Variants in SPATA6L observed in about 807,000 individuals in gnomAD.
SPATA6L encodes spermatogenesis associated 6 like, also known as spermatogenesis associated 6-like protein.
A neutral mutation model predicts 49.2 loss-of-function variants in SPATA6L; 68 were observed. That is an observed-to-expected ratio of 1.38 (90% confidence interval 1.14 to 1.69). The LOEUF is 1.69. SPATA6L is among the 40% of genes most tolerant of loss of function. The pLI is 0.00. For synonymous variants in SPATA6L, 198 were observed against 165.7 expected, an observed-to-expected ratio of 1.19 and a Z score of -1.50; for missense variants, 668 against 464.3, an observed-to-expected ratio of 1.44 and a Z score of -4.03.
intron 9 of SPATA6L, among the ~76,000 whole-genome samples, chr9:4,612,049 A>G (rs1826887138): frequency 6.6e-6 from 1 of 151,690 alleles, no homozygotes; most frequent in Admixed American, 6.6e-5. Context: ...CTTGCTACCC[A>G]GGCTGGTCTC....
chr9:4,592,953 C>T (rs1586892919), intron 13 of SPATA6L, among the ~76,000 whole-genome samples: 1 of 152,316 alleles, frequency 6.6e-6, no homozygotes, highest in East Asian at 1.9e-4. Context: ...AAAAGAATCA[C>T]TGCTAACACC....
At position 4,625,856 on chromosome 9, in the gene SPATA6L, T is replaced by A. The variant is rs191027621; in HGVS notation, c.430-290A>T. 26 of 208,476 alleles carry A rather than the reference T, an allele frequency of 1.2e-4. No individual in the cohort carries two copies. In the East Asian group the frequency reaches 2.8e-3, roughly 23 times the overall value. The allele number at this position is 208,476 out of a possible 1,614,324, so 12.9% of individuals were successfully genotyped here. A position where few individuals can be genotyped will look rare whatever the true frequency, so the allele number is the denominator to read the frequency against. On this transcript the variant is annotated intron_variant, in intron 5 of 11. Coordinates refer to ENST00000682582, the MANE Select transcript of SPATA6L (RefSeq NM_001353486.2). ...GTGTCAGACACCTCCAATAGATAGA[T>A]AATAGAGAATTTGACACATAGAGGG... is the stretch of plus-strand genomic sequence containing the variant.
chr9:4,621,581 C>A (rs149737689), intron 7 of SPATA6L, among the ~76,000 whole-genome samples: 1 of 151,974 alleles, frequency 6.6e-6, no homozygotes, highest in Non-Finnish European at 1.5e-5. Context: ...CTCTGCCTCC[C>A]GGGTTCAAGC....
chr9:4,601,799 C>T (rs1336925963), intron 11 of SPATA6L, among the ~76,000 whole-genome samples: 1 of 152,284 alleles, frequency 6.6e-6, no homozygotes, highest in East Asian at 1.9e-4. Flanking sequence ...TGGGGTCTGT[C>T]CTCCCAACCC....
At chr9:4,652,088 A>C (rs1837017100) in intron 3 of SPATA6L, among the ~76,000 whole-genome samples, 3 of 152,212 alleles carry the variant, frequency 2.0e-5, no homozygotes, top group Admixed American at 2.0e-4. Context: ...ACTAATAAAC[A>C]AGTTCAGTAT....
intron 9 of SPATA6L, among the ~76,000 whole-genome samples, chr9:4,605,817 C>A (rs1244262908): frequency 1.3e-5 from 2 of 152,110 alleles, no homozygotes; most frequent in Non-Finnish European, 2.9e-5. Context: ...GCCAAGATGG[C>A]CGAATAGGAA....
chr9:4,646,257 CTGTT>C (rs753877674), intron 3 of SPATA6L: 3 of 343,530 alleles, frequency 8.7e-6, no homozygotes, highest in East Asian at 4.5e-5. Flanking sequence ...GACAAGGAGT[CTGTT>C]TAAGTTATGC....
downstream of SPATA6L, among the ~76,000 whole-genome samples, chr9:4,598,173 G>T (rs1033290850): frequency 1.3e-5 from 2 of 151,908 alleles, no homozygotes; most frequent in African/African-American, 4.8e-5. Flanking sequence ...GAGGGCCTAG[G>T]TTCCACAAAG....
intron 13 of SPATA6L, among the ~76,000 whole-genome samples, chr9:4,592,964 A>G (rs1040504003): frequency 2.0e-5 from 3 of 152,202 alleles, no homozygotes; most frequent in African/African-American, 7.2e-5. Flanking sequence ...TGCTAACACC[A>G]AGCACTAACT....
In SPATA6L at chr9:4,660,860, G is replaced by A. The variant is rs1032813841; in HGVS notation, c.177+1039C>T. ...GGAATACTATGCAGCCATAAAAAAG[G>A]ATGAGTTCGTGTCCTTTGTAGGGAC... On this transcript the variant is annotated intron_variant, in intron 2 of 11. Transcript: ENST00000682582. Among the ~76,000 whole-genome samples, 15 of 152,200 alleles carry A rather than the reference G, an allele frequency of 9.9e-5. No individual in the cohort carries two copies. The East Asian group carries it at 2.7e-3, about 27-fold the overall frequency.
intron 8 of SPATA6L, among the ~76,000 whole-genome samples, chr9:4,618,463 C>T (rs1176764848): frequency 1.3e-5 from 2 of 152,162 alleles, no homozygotes; most frequent in Non-Finnish European, 2.9e-5. Flanking sequence ...TAGTATATTC[C>T]ATTTTCTTTG....
intron 1 of SPATA6L, chr9:4,663,339 A>G: frequency 6.8e-7 from 1 of 1,464,342 alleles, no homozygotes; most frequent in Non-Finnish European, 9.4e-7. Context: ...ACCAGCAGCC[A>G]TCCCGCTTGT....
At chr9:4,593,222 C>T (rs1358748456) in intron 13 of SPATA6L, among the ~76,000 whole-genome samples, 1 of 152,204 alleles carries the variant, frequency 6.6e-6, no homozygotes, top group East Asian at 1.9e-4. Flanking sequence ...ATCCAATCGT[C>T]ACCTCTTTAC....
chr9:4,616,771 G>T (rs1396295104), intron 9 of SPATA6L, among the ~76,000 whole-genome samples: 1 of 152,118 alleles, frequency 6.6e-6, no homozygotes, highest in Non-Finnish European at 1.5e-5. Context: ...TTTTAGTAGA[G>T]ACAGGGTTTC....
intron 1 of SPATA6L, chr9:4,663,396 G>A: frequency 1.1e-6 from 1 of 926,304 alleles, no homozygotes; most frequent in South Asian, 1.6e-5. Flanking sequence ...GGTGTCCCAT[G>A]ATCTTGATGT....
chr9:4,619,030 C>T (rs1040643285), intron 7 of SPATA6L, 132 bp from the exon 8 acceptor site: 2 of 750,822 alleles, frequency 2.7e-6, no homozygotes, highest in South Asian at 1.9e-5. Flanking sequence ...TTAAATGCTC[C>T]CTTGTAAGTT....
At position 4,662,494 on chromosome 9, in the gene SPATA6L, T is replaced by G. The variant is rs771140540; in HGVS notation, c.40-458A>C. 1 of 1,558,780 alleles carries G rather than the reference T, an allele frequency of 6.4e-7. No individual in the cohort carries two copies. The highest frequency in any genetic ancestry group is 8.6e-7 in the Non-Finnish European group (1 of 1,161,806). On this transcript the variant is annotated intron_variant, in intron 1 of 11. Transcript: ENST00000682582. This position sits in a 1 kb window ranked among gnomAD's most constrained non-coding sequence, Gnocchi z 4.9. ...GGTGGCGGCGGCAGCAGGTTTGAGT[T>G]CCAGTCCCTGCTCAGCAGCCGCGCC...
chr9:4,598,951 T>G lies in SPATA6L; in HGVS notation c.*1860A>C, dbSNP rs1248794523. Among the ~76,000 whole-genome samples the G allele has an allele frequency of 6.6e-6, 1 of 152,244 alleles. No individual in the cohort carries two copies. Among genetic ancestry groups the G allele is most frequent in the African/African-American group, 2.4e-5 (1 of 41,468 alleles). On this transcript the variant is annotated 3_prime_UTR_variant, in exon 12 of 12. Coordinates refer to ENST00000682582, the MANE Select transcript of SPATA6L (RefSeq NM_001353486.2). ...CTCCCTTATCTTCAGTGCTTGGGAC[T>G]GACCAGAAGTATTTTAAACTTGGGT... is the stretch of plus-strand genomic sequence containing the variant.
chr9:4,651,701 C>G (rs1158699923), intron 3 of SPATA6L, among the ~76,000 whole-genome samples: 1 of 150,346 alleles, frequency 6.7e-6, no homozygotes, highest in Non-Finnish European at 1.5e-5. Flanking sequence ...ATAAAAAAAT[C>G]ACATGATCAT....
Sources: allele counts gnomAD v4.1 joint callset (sites outside exome capture counted in the v4.1 genomes callset), GRCh38; gene constraint gnomAD v4.1.1; non-coding constraint Gnocchi (gnomAD v3.1); transcripts MANE v1.5; gene names NCBI Gene and HGNC (gene_info 2026-07-23, HGNC 2026-07-21).